The following PLXNA4 variants were observed in gnomAD, a reference collection of about 807,000 sequenced individuals.
The protein encoded by PLXNA4 is plexin-A4.
PLXNA4 carries 44 observed loss-of-function variants against 191.8 expected under a neutral mutation model. The observed-to-expected ratio is 0.23, with a 90% CI of 0.18 to 0.29. PLXNA4 has a LOEUF of 0.29. PLXNA4 is among the 10% of genes least tolerant of loss of function. PLXNA4 has a pLI of 1.00. For synonymous variants in PLXNA4, 1,082 were observed against 1,009.5 expected (o/e 1.07, Z -1.36); for missense variants, 1,800 against 2,488.8 (o/e 0.72, Z 5.89).
chr7:132,609,646 C>A (rs567153757), intron 2 of PLXNA4, among the ~76,000 whole-genome samples: 61 of 152,342 alleles, frequency 4.0e-4, no homozygotes, highest in African/African-American at 1.3e-3. Flanking sequence ...ATTATCCTCA[C>A]TTTATAGGTG....
At chr7:132,521,874 CT>C (rs1370667765) in intron 1 of PLXNA4, among the ~76,000 whole-genome samples, 16 of 152,308 alleles carry the variant, frequency 1.1e-4, no homozygotes, top group Non-Finnish European at 2.2e-4. Flanking sequence ...CCTGGCACCC[CT>C]ATGACTTGGT....
At chr7:132,197,268 T>C (rs1797281144) in intron 13 of PLXNA4, among the ~76,000 whole-genome samples, 1 of 152,212 alleles carries the variant, frequency 6.6e-6, no homozygotes, top group Non-Finnish European at 1.5e-5. Flanking sequence ...ATTGTACTTT[T>C]TCCAGGGAGT....
chr7:132,498,590 G>A (rs1180888829), intron 2 of PLXNA4, among the ~76,000 whole-genome samples: 1 of 152,148 alleles, frequency 6.6e-6, no homozygotes, highest in African/African-American at 2.4e-5. Flanking sequence ...TCTGGATGGG[G>A]ACATAGCCAA....
At chr7:132,299,876 C>T (rs1397066015) in intron 3 of PLXNA4, among the ~76,000 whole-genome samples, 1 of 152,186 alleles carries the variant, frequency 6.6e-6, no homozygotes, top group African/African-American at 2.4e-5. Flanking sequence ...AAGAGGCCAT[C>T]TTTCTTCACT....
At chr7:132,315,310 A>G (rs1801902567) in intron 3 of PLXNA4, among the ~76,000 whole-genome samples, 1 of 152,204 alleles carries the variant, frequency 6.6e-6, no homozygotes. Flanking sequence ...TTCAAATAAG[A>G]TTTGGCTGGT....
chr7:132,479,745 G>T lies in PLXNA4; in HGVS notation c.1371+9547C>A, dbSNP rs949294577. On this transcript the variant is annotated intron_variant, in intron 3 of 31. Coordinates refer to ENST00000321063, the MANE Select transcript of PLXNA4 (RefSeq NM_020911.2). ...GCTCACTGCAACCTCTGCCTCCTGG[G>T]TTCAAGCGATTCTCCTGCCTCAGCC... Among the ~76,000 whole-genome samples, 4 of 152,172 alleles carry T rather than the reference G, an allele frequency of 2.6e-5. No homozygotes were observed. The East Asian group carries it at 7.7e-4, about 29-fold the overall frequency.
chr7:132,367,423 T>C (rs921929536), intron 3 of PLXNA4, among the ~76,000 whole-genome samples: 3 of 150,688 alleles, frequency 2.0e-5, no homozygotes, highest in African/African-American at 7.4e-5. Context: ...GGATACACAC[T>C]CGGGAGTGAG....
At chr7:132,531,972 C>T (rs1425444841) in intron 1 of PLXNA4, among the ~76,000 whole-genome samples, 2 of 152,208 alleles carry the variant, frequency 1.3e-5, no homozygotes, top group African/African-American at 4.8e-5. Flanking sequence ...CAAAATCCGA[C>T]ATTGTAAATC....
intron 4 of PLXNA4, among the ~76,000 whole-genome samples, chr7:132,294,373 AGAGCGGCAGGTGAT>A (rs2116479829): frequency 6.6e-6 from 1 of 152,308 alleles, no homozygotes; most frequent in South Asian, 2.1e-4. Context: ...GAGAGCGGGG[AGAGCGGCAGGTGAT>A]GAGCTTGGAC....
chr7:132,485,636 T>C (rs59818171), intron 3 of PLXNA4, among the ~76,000 whole-genome samples: 8,156 of 152,300 alleles, frequency 0.054, 416 homozygotes, highest in African/African-American at 0.13. Context: ...ATTTGCCTTA[T>C]GATTTTTACC....
chr7:132,210,224 C>T (rs184012897), intron 10 of PLXNA4, among the ~76,000 whole-genome samples: 1 of 152,262 alleles, frequency 6.6e-6, no homozygotes, highest in East Asian at 1.9e-4. Flanking sequence ...AGAGAGAGAC[C>T]AGAGCAGTAG....
At chr7:132,323,891 G>A (rs1802267802) in intron 3 of PLXNA4, among the ~76,000 whole-genome samples, 1 of 152,066 alleles carries the variant, frequency 6.6e-6, no homozygotes, top group Non-Finnish European at 1.5e-5. Context: ...TCATATCTCT[G>A]TGGTTTCTCC....
chr7:132,416,003 AAATTT>A (rs571290634), intron 3 of PLXNA4, among the ~76,000 whole-genome samples: 55 of 152,372 alleles, frequency 3.6e-4, no homozygotes, highest in African/African-American at 1.2e-3. Flanking sequence ...AAATTAAATT[AAATTT>A]AAGTTAGGTA....
chr7:132,207,380 T>C (rs976410677), intron 10 of PLXNA4, among the ~76,000 whole-genome samples: 8 of 152,214 alleles, frequency 5.3e-5, no homozygotes, highest in African/African-American at 1.9e-4. Flanking sequence ...CCAGATGCCC[T>C]TTGCAGCCCC....
chr7:132,157,015 G>C (rs1795818855), intron 25 of PLXNA4, among the ~76,000 whole-genome samples: 1 of 152,162 alleles, frequency 6.6e-6, no homozygotes, highest in African/African-American at 2.4e-5. Context: ...AGTGAGAGGG[G>C]GGCCCTGAGG....
chr7:132,132,979 A>G (rs1324921432), intron 31 of PLXNA4, 70 bp downstream of exon 31: 2 of 1,560,528 alleles, frequency 1.3e-6, no homozygotes, highest in African/African-American at 1.4e-5. Context: ...TCTTATACGG[A>G]GGCATGCAGG....
At chr7:132,497,649 C>G (rs1391955272) in intron 2 of PLXNA4, among the ~76,000 whole-genome samples, 1 of 152,170 alleles carries the variant, frequency 6.6e-6, no homozygotes, top group African/African-American at 2.4e-5. Context: ...TTTTATGACT[C>G]CTAGCCCTCC....
At chr7:132,439,580 C>T (rs1330734349) in intron 3 of PLXNA4, among the ~76,000 whole-genome samples, 1 of 152,114 alleles carries the variant, frequency 6.6e-6, no homozygotes. Context: ...ACACATTTTG[C>T]TGGGGATCTT....
intron 2 of PLXNA4, among the ~76,000 whole-genome samples, chr7:132,619,101 G>A (rs188182015): frequency 8.1e-4 from 123 of 152,290 alleles, no homozygotes; most frequent in Admixed American, 1.6e-3. Context: ...AAATGTCAGC[G>A]AAGTGTAAAT....
Sources: allele counts gnomAD v4.1 joint callset (sites outside exome capture counted in the v4.1 genomes callset), GRCh38; gene constraint gnomAD v4.1.1; transcripts MANE v1.5; gene names NCBI Gene and HGNC (gene_info 2026-07-23, HGNC 2026-07-21).